SYT1: variants seen among roughly 807,000 people sequenced by gnomAD.
The protein encoded by SYT1 is synaptotagmin-1.
Under a neutral mutation model 44.8 loss-of-function variants are expected in SYT1, and 8 were observed. That is an observed-to-expected ratio of 0.18 (90% confidence interval 0.10 to 0.32). The LOEUF (loss-of-function observed/expected upper bound fraction) is 0.32. SYT1 is among the 10% of genes least tolerant of loss of function. The pLI is 1.00. For synonymous variants in SYT1, 154 were observed against 188.8 expected (o/e 0.82, Z 1.51); for missense variants, 286 against 509.3 (o/e 0.56, Z 4.22).
At chr12:79,094,141 CTAATT>C (rs1055393617) in intron 3 of SYT1, among the ~76,000 whole-genome samples, 10 of 151,598 alleles carry the variant, frequency 6.6e-5, no homozygotes, top group Non-Finnish European at 1.5e-4. Context: ...TATTCATTAT[CTAATT>C]TAGTTTAGCA....
At chr12:78,943,816 C>A (rs141753470) in intron 1 of SYT1, among the ~76,000 whole-genome samples, 338 of 152,266 alleles carry the variant, frequency 2.2e-3, no homozygotes, top group African/African-American at 8.0e-3. Context: ...TCATATGGTT[C>A]TTGTACCTTG....
intron 3 of SYT1, among the ~76,000 whole-genome samples, chr12:79,174,354 T>C (rs1245626170): frequency 3.3e-5 from 5 of 151,990 alleles, no homozygotes; most frequent in Non-Finnish European, 7.4e-5. Flanking sequence ...TGTTGGTTAA[T>C]AATCTGGAAG....
chr12:79,217,742 C>T, intron 4 of SYT1, 57 bp downstream of exon 4: 2 of 1,476,244 alleles, frequency 1.4e-6, no homozygotes, highest in Non-Finnish European at 1.8e-6. Context: ...ATACCCCATC[C>T]ATTGGAAAGA....
At chr12:79,079,637 C>T (rs530916215) in intron 3 of SYT1, among the ~76,000 whole-genome samples, 2 of 151,842 alleles carry the variant, frequency 1.3e-5, no homozygotes, top group African/African-American at 4.8e-5. Context: ...TTTTTTCTTT[C>T]ATTGTAGCAA....
intron 3 of SYT1, among the ~76,000 whole-genome samples, chr12:79,104,568 AG>A (rs1878610534): frequency 6.6e-6 from 1 of 152,046 alleles, no homozygotes; most frequent in East Asian, 1.9e-4. Context: ...TTAATAGGCA[AG>A]GATCTCTTTA....
At chr12:78,894,711 A>T (rs548516202) in intron 1 of SYT1, among the ~76,000 whole-genome samples, 7 of 151,636 alleles carry the variant, frequency 4.6e-5, no homozygotes, top group Non-Finnish European at 1.0e-4. Context: ...TGTGGAATCT[A>T]AAAAAGTCAA....
At chr12:79,345,947 A>C (rs1400163589) in intron 8 of SYT1, among the ~76,000 whole-genome samples, 3 of 152,208 alleles carry the variant, frequency 2.0e-5, no homozygotes, top group Non-Finnish European at 4.4e-5. Flanking sequence ...CCATCTACTC[A>C]TCAAAGAATC....
intron 8 of SYT1, among the ~76,000 whole-genome samples, chr12:79,308,540 GAAAGAAAGAAAA>G: frequency 8.2e-6 from 1 of 122,448 alleles, no homozygotes; most frequent in African/African-American, 3.0e-5. Flanking sequence ...AATAAAGAAA[GAAAGAAAGAAAA>G]AAGAAAGAAA....
chr12:79,296,812 G>C (rs1860784340), intron 7 of SYT1, among the ~76,000 whole-genome samples: 1 of 152,084 alleles, frequency 6.6e-6, no homozygotes, highest in African/African-American at 2.4e-5. Context: ...CACCTCAGTT[G>C]ACAAACAACA....
chr12:79,011,965 A>G (rs1290860507), intron 2 of SYT1, among the ~76,000 whole-genome samples: 1 of 151,644 alleles, frequency 6.6e-6, no homozygotes, highest in Non-Finnish European at 1.5e-5. Flanking sequence ...AACCCCAACT[A>G]TACTAAAAAT....
At chr12:79,155,812 T>G (rs1870559087) in intron 3 of SYT1, among the ~76,000 whole-genome samples, 1 of 152,216 alleles carries the variant, frequency 6.6e-6, no homozygotes, top group African/African-American at 2.4e-5. Context: ...ATTCTTCTGT[T>G]GCCTTCCGGC....
chr12:79,356,526 C>T (rs1016253981), intron 9 of SYT1, among the ~76,000 whole-genome samples: 4 of 152,130 alleles, frequency 2.6e-5, no homozygotes, highest in African/African-American at 9.7e-5. Context: ...TAACTTTAAG[C>T]ACTTGGATGG....
chr12:79,429,890 G>A (rs1408160258), intron 9 of SYT1, among the ~76,000 whole-genome samples: 1 of 152,196 alleles, frequency 6.6e-6, no homozygotes. Context: ...CTACATATCA[G>A]AGAATTCCAT....
At chr12:79,310,052 T>G (rs1880692214) in intron 8 of SYT1, among the ~76,000 whole-genome samples, 1 of 152,190 alleles carries the variant, frequency 6.6e-6, no homozygotes, top group Non-Finnish European at 1.5e-5. Flanking sequence ...TGGCTTTTGT[T>G]GCCATTGCTT....
intron 8 of SYT1, among the ~76,000 whole-genome samples, chr12:79,308,518 A>AAAG: frequency 6.8e-6 from 1 of 148,000 alleles, no homozygotes; most frequent in African/African-American, 2.5e-5. Context: ...CAAAAGAAAG[A>AAAG]AAGAAAGAAG....
At chr12:79,064,844 T>C (rs1875651816) in intron 3 of SYT1, among the ~76,000 whole-genome samples, 1 of 151,354 alleles carries the variant, frequency 6.6e-6, no homozygotes, top group Non-Finnish European at 1.5e-5. Flanking sequence ...CATCTACTCT[T>C]CTCTCTCCTG....
intron 2 of SYT1, among the ~76,000 whole-genome samples, chr12:79,001,716 T>C (rs1870752992): frequency 6.6e-6 from 1 of 152,214 alleles, no homozygotes. Context: ...GAGAACAGCA[T>C]ATTGTAAAGT....
At chr12:79,159,824 C>T (rs545947962) in intron 3 of SYT1, among the ~76,000 whole-genome samples, 5 of 151,880 alleles carry the variant, frequency 3.3e-5, no homozygotes, top group African/African-American at 7.3e-5. Context: ...AGTTAAACAC[C>T]GTCTGTTATT....
intron 10 of SYT1, among the ~76,000 whole-genome samples, chr12:79,445,412 C>T (rs1870652507): frequency 6.6e-6 from 1 of 151,966 alleles, no homozygotes; most frequent in South Asian, 2.1e-4. Context: ...ATTCATTCCT[C>T]CTATGTAGCT....
Sources: gnomAD v4.1 joint callset for allele counts (sites outside exome capture counted in the v4.1 genomes callset) on GRCh38, gnomAD v4.1.1 for gene constraint, MANE v1.5 for transcripts, NCBI Gene and HGNC (gene_info 2026-07-23, HGNC 2026-07-21) for gene names.